The following DLGAP2 variants were observed in gnomAD, a reference collection of about 807,000 sequenced individuals.
DLGAP2 encodes disks large-associated protein 2.
DLGAP2 carries 26 observed loss-of-function variants against 100.3 expected under a neutral mutation model. That is an observed-to-expected ratio of 0.26 (90% CI 0.19 to 0.36). DLGAP2 has a LOEUF of 0.36. Among genes scored for constraint, DLGAP2 ranks in the 10% least tolerant of loss-of-function variants. The probability of loss-of-function intolerance (pLI) is 1.00; values close to 1 mark genes in which losing one functional copy is unlikely to be tolerated. For synonymous variants in DLGAP2, 886 were observed against 630.1 expected, an observed-to-expected ratio of 1.41 and a Z score of -6.08; for missense variants, 1,858 against 1,453.2, an observed-to-expected ratio of 1.28 and a Z score of -4.53.
chr8:1,511,178 A>G (rs1271899813), intron 4 of DLGAP2, among the ~76,000 whole-genome samples: 1 of 151,560 alleles, frequency 6.6e-6, no homozygotes, highest in Non-Finnish European at 1.5e-5. Flanking sequence ...GACAATCAAT[A>G]GATGACCATC....
At chr8:778,871 A>C (rs1159197579) in intron 1 of DLGAP2, among the ~76,000 whole-genome samples, 2 of 152,246 alleles carry the variant, frequency 1.3e-5, no homozygotes, top group Non-Finnish European at 2.9e-5. Flanking sequence ...GGCTCCACCC[A>C]GTTCGAGCTT....
intron 3 of DLGAP2, among the ~76,000 whole-genome samples, chr8:1,444,657 T>G (rs1797931715): frequency 2.6e-5 from 4 of 152,150 alleles, no homozygotes; most frequent in Non-Finnish European, 5.9e-5. Context: ...ATTTCCAGGT[T>G]GATGGTCCCA....
chr8:882,575 G>A (rs1797829971), intron 1 of DLGAP2, among the ~76,000 whole-genome samples: 1 of 3,680 alleles, frequency 2.7e-4, no homozygotes, highest in Non-Finnish European at 5.2e-4. Context: ...TCCCCTGCGC[G>A]CACCCTCGCC....
intron 2 of DLGAP2, among the ~76,000 whole-genome samples, chr8:1,082,628 C>T (rs1190896313): frequency 1.3e-5 from 2 of 152,234 alleles, no homozygotes; most frequent in Admixed American, 6.5e-5. Context: ...TGCCTCCATC[C>T]AGGGCTCCTC....
At chr8:1,413,794 C>G (rs1299137300) in intron 3 of DLGAP2, among the ~76,000 whole-genome samples, 1 of 152,236 alleles carries the variant, frequency 6.6e-6, no homozygotes, top group African/African-American at 2.4e-5. Flanking sequence ...TCACAAAGCT[C>G]CATCAGTGCA....
At chr8:1,449,793 C>G (rs1018590039) in intron 3 of DLGAP2, among the ~76,000 whole-genome samples, 14 of 128,590 alleles carry the variant, frequency 1.1e-4, no homozygotes, top group African/African-American at 4.1e-4. Context: ...CCGTGCTGCA[C>G]TGGGCTGCCG....
intron 2 of DLGAP2, among the ~76,000 whole-genome samples, chr8:1,177,963 A>G (rs1007091350): frequency 1.3e-5 from 2 of 152,222 alleles, no homozygotes; most frequent in Non-Finnish European, 2.9e-5. Flanking sequence ...AGTGATCGAC[A>G]TCTCCAACAC....
Position 990,154 on chromosome 8 carries a change from A to G in DLGAP2, c.73+82188A>G, listed in dbSNP as rs139791922. On this transcript the variant is annotated intron_variant, in intron 2 of 14. Transcript: ENST00000637795. ...CAGCCTGATGATTTGAGCTCCATCC[A>G]TGGTGTTGTTTGTATTAGTGGTCCA... 3.7e-3 allele frequency among the ~76,000 whole-genome samples: 559 copies of G among 152,114 alleles called. 5 individuals are homozygous for G. Among genetic ancestry groups the G allele is most frequent in the African/African-American group, 0.013 (543 of 41,442 alleles).
chr8:1,031,859 G>C (rs996994748), intron 2 of DLGAP2, among the ~76,000 whole-genome samples: 4 of 152,208 alleles, frequency 2.6e-5, no homozygotes, highest in African/African-American at 4.8e-5. Context: ...GTTTATGTTA[G>C]AAATGAATTC....
intron 2 of DLGAP2, among the ~76,000 whole-genome samples, chr8:1,208,528 A>AC (rs1798041877): frequency 6.6e-6 from 1 of 152,200 alleles, no homozygotes; most frequent in African/African-American, 2.4e-5. Flanking sequence ...ATTATACTGA[A>AC]CAGGGAAAAG....
intron 2 of DLGAP2, among the ~76,000 whole-genome samples, chr8:1,210,338 C>A (rs1798077671): frequency 7.6e-6 from 1 of 131,530 alleles, no homozygotes; most frequent in African/African-American, 3.4e-5. Flanking sequence ...TGTCCAGGGC[C>A]AGATGAAACC....
At chr8:1,371,158 G>A (rs1196304985) in intron 3 of DLGAP2, among the ~76,000 whole-genome samples, 1 of 152,256 alleles carries the variant, frequency 6.6e-6, no homozygotes, top group Non-Finnish European at 1.5e-5. Context: ...AAGAGAGTAA[G>A]ACACGTCTTT....
At chr8:855,221 C>G (rs914751207) in intron 1 of DLGAP2, among the ~76,000 whole-genome samples, 1 of 152,214 alleles carries the variant, frequency 6.6e-6, no homozygotes, top group Non-Finnish European at 1.5e-5. Context: ...TTGACTCCAG[C>G]TATGTTACGC....
At chr8:1,199,582 C>T (rs1408134024) in intron 2 of DLGAP2, among the ~76,000 whole-genome samples, 2 of 152,124 alleles carry the variant, frequency 1.3e-5, no homozygotes, top group African/African-American at 4.8e-5. Flanking sequence ...AAGTAATGAC[C>T]TCGGGAAACA....
intron 2 of DLGAP2, among the ~76,000 whole-genome samples, chr8:1,161,046 A>G (rs995145710): frequency 2.4e-4 from 37 of 152,380 alleles, no homozygotes; most frequent in African/African-American, 8.4e-4. Context: ...TCCTGAAGGT[A>G]CTTAAAAAAT....
intron 2 of DLGAP2, among the ~76,000 whole-genome samples, chr8:1,144,135 G>A (rs762963218): frequency 2.0e-5 from 3 of 152,332 alleles, no homozygotes; most frequent in South Asian, 2.1e-4. Context: ...GGGGAGTCAC[G>A]GAAGAATAAA....
At chr8:1,108,625 TATG>T (rs1032181157) in intron 2 of DLGAP2, among the ~76,000 whole-genome samples, 2 of 145,184 alleles carry the variant, frequency 1.4e-5, no homozygotes, top group African/African-American at 5.2e-5. Flanking sequence ...TGCACGTGCC[TATG>T]ATGTGTGCAC....
At chr8:1,183,725 C>T (rs1225184016) in intron 2 of DLGAP2, among the ~76,000 whole-genome samples, 5 of 152,170 alleles carry the variant, frequency 3.3e-5, no homozygotes, top group African/African-American at 1.2e-4. Flanking sequence ...TTATCACCGC[C>T]TCCTGGTCCG....
chr8:1,020,416 C>G (rs1471695142), intron 2 of DLGAP2, among the ~76,000 whole-genome samples: 1 of 152,212 alleles, frequency 6.6e-6, no homozygotes, highest in Non-Finnish European at 1.5e-5. Context: ...GTTTCTTACT[C>G]CATGTAGTAA....
Sources: allele counts gnomAD v4.1 joint callset (sites outside exome capture counted in the v4.1 genomes callset), GRCh38; gene constraint gnomAD v4.1.1; transcripts MANE v1.5; gene names NCBI Gene and HGNC (gene_info 2026-07-23, HGNC 2026-07-21).